The following DOK5 variants were observed in gnomAD, a reference collection of about 807,000 sequenced individuals.
DOK5 encodes docking protein 5.
DOK5 carries 27 observed loss-of-function variants against 43.3 expected under a neutral mutation model. That is an observed-to-expected ratio of 0.62 (90% CI 0.46 to 0.86). DOK5 has a LOEUF of 0.86. Ranked by LOEUF, DOK5 falls within the 40% of genes least tolerant of loss-of-function variation. The pLI is 0.00. For synonymous variants in DOK5, 146 were observed against 140.1 expected (o/e 1.04, Z -0.30); for missense variants, 373 against 392.9 (o/e 0.95, Z 0.43).
chr20:54,566,485 T>C (rs7274446), intron 2 of DOK5, among the ~76,000 whole-genome samples: 2,098 of 152,336 alleles, frequency 0.014, 52 homozygotes, highest in African/African-American at 0.048. Flanking sequence ...CGTTTAGTTT[T>C]GTAAAAAGCT....
At chr20:54,602,011 ACTT>A (rs1470560323) in intron 5 of DOK5, among the ~76,000 whole-genome samples, 36 of 151,820 alleles carry the variant, frequency 2.4e-4, no homozygotes, top group African/African-American at 8.7e-4. Flanking sequence ...CCATTCCCAT[ACTT>A]CTTAGTCATT....
At chr20:54,483,159 C>A (rs999573486) in intron 1 of DOK5, among the ~76,000 whole-genome samples, 1 of 152,136 alleles carries the variant, frequency 6.6e-6, no homozygotes, top group Non-Finnish European at 1.5e-5. Flanking sequence ...CTGATTTAAG[C>A]AGAGTGGCCA....
intron 5 of DOK5, among the ~76,000 whole-genome samples, chr20:54,596,424 T>C (rs1986143905): frequency 6.6e-6 from 1 of 152,234 alleles, no homozygotes; most frequent in Non-Finnish European, 1.5e-5. Flanking sequence ...GTTCTGCTCA[T>C]GTTCAGCCTC....
At chr20:54,586,634 A>G (rs1387667536) in intron 2 of DOK5, among the ~76,000 whole-genome samples, 2 of 152,216 alleles carry the variant, frequency 1.3e-5, no homozygotes, top group Admixed American at 1.3e-4. Context: ...AACAAATAGG[A>G]AAGGTATAGG....
intron 1 of DOK5, among the ~76,000 whole-genome samples, chr20:54,504,888 C>T (rs1221874718): frequency 1.3e-5 from 2 of 152,130 alleles, no homozygotes; most frequent in African/African-American, 4.8e-5. Flanking sequence ...CATCTCAGTA[C>T]CCATTGGAGA....
chr20:54,551,759 G>A (rs1160517359), intron 1 of DOK5, among the ~76,000 whole-genome samples: 2 of 152,072 alleles, frequency 1.3e-5, no homozygotes, highest in Non-Finnish European at 2.9e-5. Flanking sequence ...CAATAGAATT[G>A]ACTAATTATA....
rs913711800 is a variant in DOK5 at position 54,567,282 on chromosome 20, G to GT, written c.174+12249dup. 4.6e-5 allele frequency among the ~76,000 whole-genome samples: 7 copies of GT among 151,750 alleles called. No individual in the cohort carries two copies. In the South Asian group the frequency reaches 1.0e-3, roughly 23 times the overall value. ...GAAGTTCAATCCTAAAGATTTTCTT[G>GT]TTTTTTTCTTAAGAAAAAAGGTATA... On this transcript the variant is annotated intron_variant, in intron 2 of 7. Transcript: ENST00000262593.
At chr20:54,513,478 A>AAAC (rs1983082132) in intron 1 of DOK5, among the ~76,000 whole-genome samples, 1 of 150,746 alleles carries the variant, frequency 6.6e-6, no homozygotes, top group South Asian at 2.1e-4. Flanking sequence ...AAAAAAAAAA[A>AAAC]AAAAAAAAAA....
chr20:54,483,694 G>A (rs1287344734), intron 1 of DOK5, among the ~76,000 whole-genome samples: 1 of 152,070 alleles, frequency 6.6e-6, no homozygotes, highest in Non-Finnish European at 1.5e-5. Flanking sequence ...ATTATGGTGC[G>A]ACCCCCCCGT....
Position 54,557,276 on chromosome 20 carries a change from G to A in DOK5, c.174+2236G>A, listed in dbSNP as rs150315476. Among the ~76,000 whole-genome samples the A allele has an allele frequency of 3.6e-3, 549 of 152,306 alleles. 5 individuals carry two copies. The highest frequency in any genetic ancestry group is 0.013 in the African/African-American group (530 of 41,568). On this transcript the variant is annotated intron_variant, in intron 2 of 7. Transcript: ENST00000262593. ...CAGGGAAGACAATTTTTCCACAGAC[G>A]GGGTTGGGGGCAGGATTGGTTTCGG...
At chr20:54,585,403 T>C (rs562431649) in intron 2 of DOK5, among the ~76,000 whole-genome samples, 83 of 152,318 alleles carry the variant, frequency 5.4e-4, no homozygotes, top group African/African-American at 1.9e-3. Context: ...CTATTTCAGG[T>C]GACTATCTCT....
At chr20:54,640,439 C>A (rs1979055093) in intron 6 of DOK5, among the ~76,000 whole-genome samples, 1 of 152,210 alleles carries the variant, frequency 6.6e-6, no homozygotes, top group Non-Finnish European at 1.5e-5. Flanking sequence ...AACCTGCCTA[C>A]TGGATTCTCA....
intron 6 of DOK5, among the ~76,000 whole-genome samples, chr20:54,619,517 T>C (rs1046477650): frequency 6.6e-6 from 1 of 152,212 alleles, no homozygotes; most frequent in Non-Finnish European, 1.5e-5. Context: ...AGGTGAAGAA[T>C]GCCTGCTTTT....
At chr20:54,559,793 T>G (rs947618883) in intron 2 of DOK5, among the ~76,000 whole-genome samples, 1 of 152,266 alleles carries the variant, frequency 6.6e-6, no homozygotes, top group African/African-American at 2.4e-5. Flanking sequence ...GTTAACTTAT[T>G]GTTGTTTCAA....
At chr20:54,512,160 C>T (rs373074649) in intron 1 of DOK5, among the ~76,000 whole-genome samples, 5 of 152,330 alleles carry the variant, frequency 3.3e-5, no homozygotes, top group African/African-American at 9.6e-5. Flanking sequence ...AATGAGTAGA[C>T]TCACCTATGA....
intron 1 of DOK5, among the ~76,000 whole-genome samples, chr20:54,486,967 C>T (rs1981959525): frequency 2.6e-5 from 4 of 152,052 alleles, no homozygotes; most frequent in Admixed American, 1.3e-4. Context: ...AAAAAGGTTG[C>T]ATTCTATCTT....
intron 1 of DOK5, among the ~76,000 whole-genome samples, chr20:54,485,683 C>A (rs1981904905): frequency 6.6e-6 from 1 of 152,186 alleles, no homozygotes; most frequent in African/African-American, 2.4e-5. Flanking sequence ...TCCAGGAGTG[C>A]AATTGCTGGG....
chr20:54,571,634 G>T (rs550197845), intron 2 of DOK5, among the ~76,000 whole-genome samples: 3 of 152,232 alleles, frequency 2.0e-5, no homozygotes, highest in South Asian at 2.1e-4. Flanking sequence ...CTCTGGGGAA[G>T]GGGGGTGGGC....
intron 1 of DOK5, among the ~76,000 whole-genome samples, chr20:54,523,894 C>T (rs1221561260): frequency 1.3e-5 from 2 of 152,108 alleles, no homozygotes; most frequent in African/African-American, 4.8e-5. Flanking sequence ...TGAGCCACCG[C>T]GCCCAGCCAA....
Sources: allele counts gnomAD v4.1 joint callset (sites outside exome capture counted in the v4.1 genomes callset), GRCh38; gene constraint gnomAD v4.1.1; transcripts MANE v1.5; gene names NCBI Gene and HGNC (gene_info 2026-07-23, HGNC 2026-07-21).